CAMK2A: variants seen among roughly 807,000 people sequenced by gnomAD.
CAMK2A encodes calcium/calmodulin dependent protein kinase II alpha, also known as calcium/calmodulin-dependent protein kinase type II subunit alpha.
In CAMK2A, 7 loss-of-function variants were observed where a neutral mutation model predicts 79.2. The observed-to-expected ratio is 0.09, with a 90% confidence interval of 0.05 to 0.17. The LOEUF (loss-of-function observed/expected upper bound fraction) is 0.17, where lower values mean the gene tolerates loss of function less well. Ranked by LOEUF, CAMK2A falls within the 10% of genes least tolerant of loss-of-function variation. The pLI is 1.00. For synonymous variants in CAMK2A, 242 were observed against 251.7 expected (o/e 0.96, Z 0.36); for missense variants, 214 against 646.4 (o/e 0.33, Z 7.25).
chr5:150,287,632 C>T (rs1384407154), intron 1 of CAMK2A, among the ~76,000 whole-genome samples: 1 of 152,194 alleles, frequency 6.6e-6, no homozygotes, highest in East Asian at 1.9e-4. Flanking sequence ...TCAACTCCAT[C>T]TCACTGTACT....
At chr5:150,272,618 C>A (rs36085208) in intron 2 of CAMK2A, among the ~76,000 whole-genome samples, 15,586 of 151,268 alleles carry the variant, frequency 0.1, 1,084 homozygotes, top group Admixed American at 0.21. Context: ...ATGGAGGAGG[C>A]CTCATCAGAT....
In CAMK2A at chr5:150,276,967, C is replaced by T. The variant is rs74807177; in HGVS notation, c.63-3808G>A. On this transcript the variant is annotated intron_variant, in intron 1 of 18. Coordinates refer to ENST00000671881, the MANE Select transcript of CAMK2A (RefSeq NM_015981.4). ...GATTCTGGCCGGGCGTGATGGCTCA[C>T]GCCCGCAATCCCAGCACTTTGGGAG... Among the ~76,000 whole-genome samples the T allele has an allele frequency of 5.9e-5, 9 of 152,202 alleles. No homozygotes were observed. In the South Asian group the frequency reaches 1.9e-3, roughly 32 times the overall value.
chr5:150,271,719 C>T (rs951908803), intron 2 of CAMK2A, among the ~76,000 whole-genome samples: 4 of 152,244 alleles, frequency 2.6e-5, no homozygotes, highest in Non-Finnish European at 4.4e-5. Context: ...GGACTGGCCT[C>T]TCTGAAGATA....
intron 10 of CAMK2A, 22 bp downstream of exon 10, chr5:150,250,666 A>C (rs760523504): frequency 1.2e-5 from 20 of 1,613,264 alleles, no homozygotes; most frequent in Non-Finnish European, 1.6e-5. Flanking sequence ...TCCTGGGAGA[A>C]GTCCTGCTGA....
chr5:150,238,824 G>C (rs560646214), intron 14 of CAMK2A, 76 bp from the exon 15 acceptor site: 1 of 1,302,374 alleles, frequency 7.7e-7, no homozygotes, highest in African/African-American at 1.5e-5. Flanking sequence ...TGGCTGCCTG[G>C]TGACGCGGCT....
intron 12 of CAMK2A, among the ~76,000 whole-genome samples, chr5:150,247,255 G>T (rs549933269): frequency 6.6e-6 from 1 of 152,208 alleles, no homozygotes; most frequent in Non-Finnish European, 1.5e-5. Context: ...TGCCTCTCTA[G>T]CCATGTGACC....
chr5:150,274,484 C>T (rs1216902609), intron 1 of CAMK2A, among the ~76,000 whole-genome samples: 1 of 152,160 alleles, frequency 6.6e-6, no homozygotes, highest in African/African-American at 2.4e-5. Context: ...TGCCATTTTG[C>T]ACTCTTTGCC....
At chr5:150,276,950 C>T (rs1288206538) in intron 1 of CAMK2A, among the ~76,000 whole-genome samples, 1 of 152,186 alleles carries the variant, frequency 6.6e-6, no homozygotes, top group Non-Finnish European at 1.5e-5. Context: ...AAGATTCTGG[C>T]CGGGCGTGAT....
chr5:150,248,563 T>C (rs1335022006), intron 11 of CAMK2A, among the ~76,000 whole-genome samples: 2 of 141,206 alleles, frequency 1.4e-5, no homozygotes, highest in African/African-American at 5.3e-5. Flanking sequence ...TCAATTCCCA[T>C]CCATGAGTGA....
rs201604442 is a variant in CAMK2A, at chr5:150,252,079, C to G, written c.515-14G>C. Reference sequence around the variant, plus strand: ...TCCCTGCAAACCCTGCTCCCAGACACACAGACAGGCAGACACATACACAGA... The same window carrying G: ...TCCCTGCAAACCCTGCTCCCAGACAGACAGACAGGCAGACACATACACAGA... On this transcript the variant is annotated splice_polypyrimidine_tract_variant and intron_variant, in intron 7 of 18. Transcript: ENST00000671881. 1.7e-5 allele frequency: 27 copies of G among 1,598,006 alleles called. No homozygotes were observed. The East Asian group carries it at 5.6e-4, about 33-fold the overall frequency.
At chr5:150,222,867 C>T in intron 18 of CAMK2A, 122 bp downstream of exon 18, 1 of 1,366,984 alleles carries the variant, frequency 7.3e-7, no homozygotes, top group Non-Finnish European at 1.0e-6. Context: ...TTCTTGGGGT[C>T]TCCCCACCCC....
rs774904052 is a variant in CAMK2A, at chr5:150,238,657, T to C, written c.1066+43A>G. 9 of 1,560,990 alleles carry C rather than the reference T, an allele frequency of 5.8e-6. No homozygotes were observed. In the African/African-American group the frequency reaches 9.5e-5, roughly 16 times the overall value. On this transcript the variant is annotated intron_variant, in intron 15 of 18. Coordinates refer to ENST00000671881, the MANE Select transcript of CAMK2A (RefSeq NM_015981.4). ...AAAAAGAGGTCTGCTCAGAGCTGGT[T>C]CCAGAAGTCTAAGGGGTCCCGACAC...
intron 1 of CAMK2A, among the ~76,000 whole-genome samples, chr5:150,275,782 T>C (rs1756920318): frequency 6.6e-6 from 1 of 152,158 alleles, no homozygotes; most frequent in African/African-American, 2.4e-5. Flanking sequence ...AGTCCCCATG[T>C]AGTTGGGGTG....
chr5:150,231,613 C>CAA (rs34708614), intron 15 of CAMK2A, among the ~76,000 whole-genome samples: 60 of 120,424 alleles, frequency 5.0e-4, no homozygotes, highest in East Asian at 1.2e-3. Context: ...CCCAGAAAGG[C>CAA]AAAAAAAAAA....
At chr5:150,237,337 G>A (rs769175156) in intron 15 of CAMK2A, among the ~76,000 whole-genome samples, 2 of 148,732 alleles carry the variant, frequency 1.3e-5, no homozygotes, top group Non-Finnish European at 3.0e-5. Context: ...GAGTTCCCTC[G>A]AGGTCAACGG....
intron 1 of CAMK2A, among the ~76,000 whole-genome samples, chr5:150,286,748 G>A (rs1757440018): frequency 6.6e-6 from 1 of 152,152 alleles, no homozygotes; most frequent in Non-Finnish European, 1.5e-5. Flanking sequence ...GCCAGCCAGG[G>A]GGGAAGCACG....
At chr5:150,282,021 C>G (rs1372739914) in intron 1 of CAMK2A, among the ~76,000 whole-genome samples, 1 of 152,170 alleles carries the variant, frequency 6.6e-6, no homozygotes, top group East Asian at 1.9e-4. Flanking sequence ...CTTTGCTTGA[C>G]TCTCCCCACT....
At chr5:150,289,067 GGCC>G (rs1160196513) in intron 1 of CAMK2A, among the ~76,000 whole-genome samples, 1 of 152,160 alleles carries the variant, frequency 6.6e-6, no homozygotes, top group Admixed American at 6.5e-5. Flanking sequence ...GGGAGAAGTT[GGCC>G]ACTCTGTACA....
intron 17 of CAMK2A, among the ~76,000 whole-genome samples, chr5:150,227,085 A>G (rs764781910): frequency 2.0e-5 from 3 of 152,140 alleles, no homozygotes; most frequent in Non-Finnish European, 2.9e-5. Flanking sequence ...GATTTATTTT[A>G]AAAGAAAACT....
Sources: gnomAD v4.1 joint callset for allele counts (sites outside exome capture counted in the v4.1 genomes callset) on GRCh38, gnomAD v4.1.1 for gene constraint, MANE v1.5 for transcripts, NCBI Gene and HGNC (gene_info 2026-07-23, HGNC 2026-07-21) for gene names.